The following ZNF396 variants were observed in gnomAD, a reference collection of about 807,000 sequenced individuals.
The protein encoded by ZNF396 is zinc finger protein 396.
ZNF396 carries 14 observed loss-of-function variants against 20.5 expected under a neutral mutation model. The observed-to-expected ratio is 0.68, with a 90% CI of 0.45 to 1.07. ZNF396 has a LOEUF of 1.07. Among genes scored for constraint, ZNF396 ranks in the 50% least tolerant of loss-of-function variants. ZNF396 has a pLI of 0.00. For synonymous variants in ZNF396, 119 were observed against 140.6 expected (o/e 0.85, Z 1.08); for missense variants, 347 against 390.1 (o/e 0.89, Z 0.93).
In ZNF396 at chr18:35,374,002, C is replaced by A. The variant is rs912303227; in HGVS notation, c.291G>T (p.Leu97=). 12 of 1,614,114 alleles carry A rather than the reference C, an allele frequency of 7.4e-6. No homozygotes were observed. Among genetic ancestry groups the A allele is most frequent in the Non-Finnish European group, 9.3e-6 (11 of 1,180,048 alleles). ...TTGGGAGGATGGCCAGGAACTGCTC[C>A]AGCACCAGCAGCTCCAGGATCTGCT... ...TKEQILELLV[L]EQFLAILPKE... The change falls in exon 2 of 4, where the codon CTG becomes CTT. Residue 97 remains leucine, a synonymous_variant. Coordinates refer to ENST00000589332, the MANE Select transcript of ZNF396 (RefSeq NM_001322286.2). The surrounding 1 kb of genome is among the most constrained non-coding windows in gnomAD (Gnocchi z 4.3).
chr18:35,373,122 T>C (rs780968882), intron 3 of ZNF396: 11 of 326,746 alleles, frequency 3.4e-5, no homozygotes, highest in Non-Finnish European at 5.0e-5. Flanking sequence ...GAAATGATGA[T>C]GAGGATCAGT....
At chr18:35,370,370 C>T (rs2909342) in intron 3 of ZNF396, among the ~76,000 whole-genome samples, 131,594 of 152,198 alleles carry the variant, frequency 0.86, 57,784 homozygotes, top group Non-Finnish European at 0.91. Context: ...GGCACACAAA[C>T]CTGGCTTGAT....
In ZNF396 at chr18:35,369,435, C is replaced by A; in HGVS notation, c.788G>T (p.Ser263Ile). ...TCTCTGATGTAAAATAAGGGCTGAG[C>A]TCTGACTAAAGATTTTGCCACATTC... ...CDECGKIFSQ[S>I]SALILHQRIH... Residue 263 changes from serine (S) to isoleucine (I), a missense_variant, in exon 4 of 4, where the codon AGC becomes ATC. Transcript: ENST00000589332. The A allele has an allele frequency of 6.2e-7, 1 of 1,614,208 alleles. No homozygotes were observed. Among genetic ancestry groups the A allele is most frequent in the Non-Finnish European group, 8.5e-7 (1 of 1,180,032 alleles).
At position 35,374,243 on chromosome 18, in the gene ZNF396, T is replaced by C. The variant is rs1382049397; in HGVS notation, c.50A>G (p.Glu17Gly). 2 of 1,614,182 alleles carry C rather than the reference T, an allele frequency of 1.2e-6. No individual in the cohort carries two copies. The highest frequency in any genetic ancestry group is 3.3e-5 in the Admixed American group (2 of 60,030). ...KSSSLLTQTSEECNGILTEKM... is the reference protein window; with the variant it reads ...KSSSLLTQTSGECNGILTEKM... ...CTCTGTCAGAATCCCATTACACTCC[T>C]CTGAAGTTTGTGTTAGGAGTGATGA... Residue 17 changes from glutamate (E) to glycine (G), a missense_variant, in exon 2 of 4, where the codon GAG becomes GGG. Coordinates refer to ENST00000589332, the MANE Select transcript of ZNF396 (RefSeq NM_001322286.2). This position sits in a 1 kb window ranked among gnomAD's most constrained non-coding sequence, Gnocchi z 4.3.
chr18:35,368,490 A>ATTTATTTATTTAT lies in ZNF396; in HGVS notation c.*712_*724dup, dbSNP rs1362523888. 1.4e-6 allele frequency: 1 copy of ATTTATTTATTTAT among 692,070 alleles called. No homozygotes were observed. Among genetic ancestry groups the ATTTATTTATTTAT allele is most frequent in the Non-Finnish European group, 1.9e-6 (1 of 518,256 alleles). 42.9% of individuals were successfully genotyped at this position (692,070 alleles called of 1,614,324 possible). A position where few individuals can be genotyped will look rare whatever the true frequency, so the allele number is the denominator to read the frequency against. On this transcript the variant is annotated 3_prime_UTR_variant, in exon 4 of 4. Coordinates refer to ENST00000589332, the MANE Select transcript of ZNF396 (RefSeq NM_001322286.2). ...TAGGAATTTATTTTTATTTTTATTT[A>ATTTATTTATTTAT]TTTATTTATTTATTTATTTATTTAT...
chr18:35,369,407 G>T lies in ZNF396; in HGVS notation c.816C>A (p.Ile272=), dbSNP rs759866047. The part of the protein sequence containing the change: ...QSSALILHQR[I]HSGKKPYACD... ...ATGCATAAGGTTTCTTTCCACTGTG[G>T]ATTCTCTGATGTAAAATAAGGGCTG... The change falls in exon 4 of 4, where the codon ATC becomes ATA. Residue 272 remains isoleucine, a synonymous_variant. Coordinates refer to ENST00000589332, the MANE Select transcript of ZNF396 (RefSeq NM_001322286.2). The T allele has an allele frequency of 5.0e-6, 8 of 1,614,166 alleles. No individual in the cohort carries two copies. The highest frequency in any genetic ancestry group is 6.8e-6 in the Non-Finnish European group (8 of 1,180,018).
At chr18:35,376,842 G>A (rs1447957026) in intron 1 of ZNF396, among the ~76,000 whole-genome samples, 5 of 152,176 alleles carry the variant, frequency 3.3e-5, no homozygotes, top group Non-Finnish European at 7.3e-5. Flanking sequence ...CTGGAGGGGA[G>A]GCTTCGATCA....
At chr18:35,375,514 G>T (rs2045244779) in intron 1 of ZNF396, among the ~76,000 whole-genome samples, 1 of 152,040 alleles carries the variant, frequency 6.6e-6, no homozygotes, top group Non-Finnish European at 1.5e-5. Flanking sequence ...GCCTCTGCTT[G>T]TTGAGGATCA....
intron 2 of ZNF396, 100 bp from the exon 3 acceptor site, chr18:35,373,700 GA>G: frequency 6.6e-7 from 1 of 1,523,024 alleles, no homozygotes; most frequent in Non-Finnish European, 8.8e-7. Context: ...ATGGACACAG[GA>G]AAAGGGAGGG....
rs2045231713 is a variant in ZNF396, at chr18:35,374,485, A to T, written c.-72-121T>A. Reference sequence around the variant, plus strand: ...AACTACTGACCTTAGTCTTAACAGAAACCATGCTTTTATTTATTTATTTAT... The same window carrying T: ...AACTACTGACCTTAGTCTTAACAGATACCATGCTTTTATTTATTTATTTAT... On this transcript the variant is annotated intron_variant, in intron 1 of 3. Coordinates refer to ENST00000589332, the MANE Select transcript of ZNF396 (RefSeq NM_001322286.2). The surrounding 1 kb of genome is among the most constrained non-coding windows in gnomAD (Gnocchi z 4.3). 3.9e-6 allele frequency: 2 copies of T among 507,828 alleles called. No homozygotes were observed. The highest frequency in any genetic ancestry group is 6.9e-6 in the Non-Finnish European group (2 of 289,886). 31.5% of individuals were successfully genotyped at this position (507,828 alleles called of 1,614,324 possible).
rs369348877 is a variant in ZNF396, at chr18:35,372,644, G to T, written c.562+812C>A. 2.0e-5 allele frequency: 3 copies of T among 152,076 alleles called. No individual in the cohort carries two copies. In the East Asian group the frequency reaches 5.8e-4, roughly 29 times the overall value. 9.4% of individuals were successfully genotyped at this position (152,076 alleles called of 1,614,324 possible). Reference sequence around the variant, plus strand: ...GAAGGAGGGTCTCTGCTCAAATGTCGCTTCATCAGAGAGGCCTTTCTACCA... The same window carrying T: ...GAAGGAGGGTCTCTGCTCAAATGTCTCTTCATCAGAGAGGCCTTTCTACCA... On this transcript the variant is annotated intron_variant, in intron 3 of 3. Coordinates refer to ENST00000589332, the MANE Select transcript of ZNF396 (RefSeq NM_001322286.2).
intron 1 of ZNF396, among the ~76,000 whole-genome samples, chr18:35,375,167 T>C (rs989331236): frequency 3.3e-5 from 5 of 151,730 alleles, no homozygotes; most frequent in Admixed American, 3.3e-4. Context: ...AGCTGGGCAC[T>C]GTGCTTATGC....
At position 35,369,126 on chromosome 18, in the gene ZNF396, C is replaced by T; in HGVS notation, c.*89G>A. ...AAAGGAGACTGGTGCTTACTAAGAC[C>T]ACTGATTTGTACTAAGGAGCGTTTG... On this transcript the variant is annotated 3_prime_UTR_variant, in exon 4 of 4. Transcript: ENST00000589332. 6.9e-7 allele frequency: 1 copy of T among 1,449,526 alleles called. No homozygotes were observed. The highest frequency in any genetic ancestry group is 9.1e-7 in the Non-Finnish European group (1 of 1,102,676). 89.8% of individuals were successfully genotyped at this position (1,449,526 alleles called of 1,614,324 possible). A position where few individuals can be genotyped will look rare whatever the true frequency, so the allele number is the denominator to read the frequency against.
chr18:35,369,324 G>A lies in ZNF396; in HGVS notation c.899C>T (p.Thr300Ile). The A allele has an allele frequency of 6.2e-7, 1 of 1,614,174 alleles. No individual in the cohort carries two copies. Among genetic ancestry groups the A allele is most frequent in the South Asian group, 1.1e-5 (1 of 91,080 alleles). The change falls in exon 4 of 4, where the codon ACC becomes ATC. Residue 300 changes from threonine to isoleucine, a missense_variant. Thr to Ile is a moderately conservative substitution (Grantham distance 89). Transcript: ENST00000589332. ...RSAILIQHRR[T>I]HTGEKPYKCH... The stretch of plus-strand genomic sequence containing the variant: ...CTTGTAGGGCTTCTCACCAGTATGG[G>A]TTCGTCGATGCTGAATCAGAATTGC...
Position 35,369,284 on chromosome 18 carries a change from G to T in ZNF396, c.939C>A (p.Gly313=). The change falls in exon 4 of 4, where the codon GGC becomes GGA. Residue 313 remains glycine, a synonymous_variant. Coordinates refer to ENST00000589332, the MANE Select transcript of ZNF396 (RefSeq NM_001322286.2). ...GATTTGAGCTCTGACTAAAGGCTTT[G>T]CCACAGTCATGACACTTGTAGGGCT... is the stretch of plus-strand genomic sequence containing the variant. ...GEKPYKCHDC[G]KAFSQSSNLF... is the part of the protein sequence containing the mutation. The T allele has an allele frequency of 6.2e-7, 1 of 1,614,048 alleles. No individual in the cohort carries two copies. The highest frequency in any genetic ancestry group is 2.2e-5 in the East Asian group (1 of 44,882).
At position 35,368,954 on chromosome 18, in the gene ZNF396, C is replaced by G. The variant is rs1472997547; in HGVS notation, c.*261G>C. ...AAATAGTAGAACATGTCTGAGAATGCCTTTTCAAGGCCTGCATAGGGATGG... is the reference window on the plus strand; with the variant it reads ...AAATAGTAGAACATGTCTGAGAATGGCTTTTCAAGGCCTGCATAGGGATGG... On this transcript the variant is annotated 3_prime_UTR_variant, in exon 4 of 4. Coordinates refer to ENST00000589332, the MANE Select transcript of ZNF396 (RefSeq NM_001322286.2). 5 of 1,244,906 alleles carry G rather than the reference C, an allele frequency of 4.0e-6. No homozygotes were observed. In the African/African-American group the frequency reaches 7.7e-5, roughly 19 times the overall value. The allele number at this position is 1,244,906 out of a possible 1,614,324, so 77.1% of individuals were successfully genotyped here.
rs1320034401 is a variant in ZNF396 at position 35,369,600 on chromosome 18, A to G, written c.623T>C (p.Ile208Thr). 4.3e-6 allele frequency: 7 copies of G among 1,612,338 alleles called. No homozygotes were observed. The highest frequency in any genetic ancestry group is 3.4e-5 in the Admixed American group (2 of 59,638). ...SASRQKTSLG[I>T]ELHCNVSNIL... The stretch of plus-strand genomic sequence containing the variant: ...ATTGGAAACATTGCAATGCAGTTCT[A>G]TGCCTAAAGAAGTCTTTTGCCTTGA... The change falls in exon 4 of 4, where the codon ATA (isoleucine) becomes ACA (threonine). Residue 208 changes from isoleucine (I) to threonine (T), a missense_variant. Transcript: ENST00000589332.
chr18:35,373,650 G>A, intron 2 of ZNF396, 50 bp from the exon 3 acceptor site: 1 of 1,595,280 alleles, frequency 6.3e-7, no homozygotes, highest in African/African-American at 1.3e-5. Context: ...GTTGGGACTT[G>A]AGGATAAAAT....
chr18:35,376,677 G>A (rs1316429893), intron 1 of ZNF396, among the ~76,000 whole-genome samples: 1 of 152,188 alleles, frequency 6.6e-6, no homozygotes, highest in Non-Finnish European at 1.5e-5. Context: ...GAGCCGTCAG[G>A]TACCCTAAGG....
Sources: gnomAD v4.1 joint callset for allele counts (sites outside exome capture counted in the v4.1 genomes callset) on GRCh38, gnomAD v4.1.1 for gene constraint, Gnocchi (gnomAD v3.1) non-coding constraint, MANE v1.5 for transcripts, NCBI Gene and HGNC (gene_info 2026-07-23, HGNC 2026-07-21) for gene names.